NDFIP2: variants seen among roughly 807,000 people sequenced by gnomAD.
NDFIP2 encodes NEDD4 family-interacting protein 2.
Under a neutral mutation model 36.0 loss-of-function variants are expected in NDFIP2, and 19 were observed. The observed-to-expected ratio is 0.53, with a 90% CI of 0.37 to 0.77. The LOEUF is 0.77. NDFIP2 is among the 30% of genes least tolerant of loss of function. The pLI is 0.00. For missense variants in NDFIP2, 446 were observed against 435.8 expected, an observed-to-expected ratio of 1.02 and a Z score of -0.21; for synonymous variants, 181 against 167.7, an observed-to-expected ratio of 1.08 and a Z score of -0.61.
At chr13:79,486,609 T>C (rs1873002742) in intron 1 of NDFIP2, among the ~76,000 whole-genome samples, 1 of 152,242 alleles carries the variant, frequency 6.6e-6, no homozygotes, top group African/African-American at 2.4e-5. Flanking sequence ...CAGATACTCA[T>C]GTAACCCAAA....
chr13:79,549,433 T>G (rs913568838), intron 6 of NDFIP2, among the ~76,000 whole-genome samples: 9 of 151,916 alleles, frequency 5.9e-5, no homozygotes, highest in Non-Finnish European at 1.0e-4. Flanking sequence ...ATTTAGAGAT[T>G]GGAGGAATCT....
At chr13:79,529,307 A>G (rs1295688958) in intron 2 of NDFIP2, among the ~76,000 whole-genome samples, 2 of 152,170 alleles carry the variant, frequency 1.3e-5, no homozygotes. Flanking sequence ...GAGTTTTCCT[A>G]CCCAACTTTC....
chr13:79,531,777 ATCT>A (rs1358983567), intron 2 of NDFIP2, among the ~76,000 whole-genome samples: 2 of 152,198 alleles, frequency 1.3e-5, no homozygotes, highest in South Asian at 2.1e-4. Context: ...GGCTGGTTTG[ATCT>A]TCTAACTGGA....
At chr13:79,487,437 T>G (rs1873047619) in intron 1 of NDFIP2, among the ~76,000 whole-genome samples, 1 of 152,220 alleles carries the variant, frequency 6.6e-6, no homozygotes, top group Non-Finnish European at 1.5e-5. Context: ...ATTTGGGTTT[T>G]TAGTTTTCTT....
chr13:79,548,769 G>C (rs529605071), intron 6 of NDFIP2, among the ~76,000 whole-genome samples: 22 of 151,982 alleles, frequency 1.4e-4, no homozygotes, highest in African/African-American at 4.8e-4. Context: ...CTTATTTTTT[G>C]ATCATGGAAA....
chr13:79,491,209 A>G (rs979329113), intron 1 of NDFIP2, among the ~76,000 whole-genome samples: 2 of 152,162 alleles, frequency 1.3e-5, no homozygotes, highest in Non-Finnish European at 2.9e-5. Context: ...TACCTGCCAT[A>G]TGGTAGACTT....
At chr13:79,492,392 GAAATA>G (rs897378594) in intron 1 of NDFIP2, among the ~76,000 whole-genome samples, 1 of 151,578 alleles carries the variant, frequency 6.6e-6, no homozygotes, top group Non-Finnish European at 1.5e-5. Flanking sequence ...GAAGAGTCTT[GAAATA>G]ACACTTGAGA....
Position 79,520,807 on chromosome 13 carries a change from T to C in NDFIP2, c.322-3T>C. 7 of 1,597,882 alleles carry C rather than the reference T, an allele frequency of 4.4e-6. No individual in the cohort carries two copies. Among genetic ancestry groups the C allele is most frequent in the Non-Finnish European group, 5.1e-6 (6 of 1,171,360 alleles). Reference sequence around the variant, plus strand: ...ATGTTTTGTTTTTCTTTTGTTCTCTTAGCTTCTTAATGAAGAGGATAACTC... The same window carrying C: ...ATGTTTTGTTTTTCTTTTGTTCTCTCAGCTTCTTAATGAAGAGGATAACTC... On this transcript the variant is annotated splice_polypyrimidine_tract_variant and splice_region_variant and intron_variant, in intron 1 of 7. Coordinates refer to ENST00000218652, the MANE Select transcript of NDFIP2 (RefSeq NM_019080.3).
chr13:79,510,903 G>A (rs1220011934), intron 1 of NDFIP2, among the ~76,000 whole-genome samples: 2 of 150,914 alleles, frequency 1.3e-5, no homozygotes, highest in Admixed American at 6.7e-5. Context: ...GGAGGCTGAG[G>A]CAGGATAATA....
chr13:79,527,950 G>A (rs1219543315), intron 2 of NDFIP2, among the ~76,000 whole-genome samples: 1 of 152,096 alleles, frequency 6.6e-6, no homozygotes, highest in East Asian at 1.9e-4. Flanking sequence ...GCTAGTGTGC[G>A]TGTTTGTGTT....
In NDFIP2 at chr13:79,533,451, C is replaced by CA; in HGVS notation, c.619dup (p.Arg207LysfsTer12). On this transcript the variant is annotated frameshift_variant, in exon 3 of 8. Coordinates refer to ENST00000218652, the MANE Select transcript of NDFIP2 (RefSeq NM_019080.3). LOFTEE classifies it high-confidence loss of function. ...GGCAGCTGCAGCAGCAGAAACATCT[C>CA]AAAGAGTAAGAAAATTTCATCATTT... The CA allele has an allele frequency of 6.3e-7, 1 of 1,590,086 alleles. No individual in the cohort carries two copies. Among genetic ancestry groups the CA allele is most frequent in the Non-Finnish European group, 8.5e-7 (1 of 1,173,088 alleles).
chr13:79,489,761 C>T lies in NDFIP2; in HGVS notation c.321+8237C>T, dbSNP rs1031427219. On this transcript the variant is annotated intron_variant, in intron 1 of 7. Transcript: ENST00000218652. ...ATATAGGAGGAAAGCTGTATGGCTG[C>T]AGCAAAGTTAAGGGGATGGCCTAGA... Among the ~76,000 whole-genome samples, 11 of 152,284 alleles carry T rather than the reference C, an allele frequency of 7.2e-5. No homozygotes were observed. The South Asian group carries it at 1.0e-3, about 14-fold the overall frequency.
chr13:79,510,054 T>C (rs758583009), intron 1 of NDFIP2, among the ~76,000 whole-genome samples: 5 of 152,202 alleles, frequency 3.3e-5, no homozygotes, highest in Non-Finnish European at 7.3e-5. Flanking sequence ...TTCAACCAAG[T>C]TGACACTCAG....
intron 1 of NDFIP2, among the ~76,000 whole-genome samples, chr13:79,506,718 C>T (rs1418262869): frequency 1.3e-5 from 2 of 152,034 alleles, no homozygotes; most frequent in Non-Finnish European, 2.9e-5. Context: ...CCAGTAATAA[C>T]CTATGTTAAC....
At position 79,481,627 on chromosome 13, in the gene NDFIP2, T is replaced by G. The variant is rs531747447; in HGVS notation, c.321+103T>G. 3.2e-5 allele frequency: 43 copies of G among 1,351,640 alleles called. No homozygotes were observed. In the African/African-American group the frequency reaches 5.9e-4, roughly 19 times the overall value. 83.7% of individuals were successfully genotyped at this position (1,351,640 alleles called of 1,614,324 possible). ...CCCGGAGGAAAAGCTGTGGCTTTTT[T>G]TTGTTGTGTTTTGTTTTGTTTTTTT... On this transcript the variant is annotated intron_variant, in intron 1 of 7. Coordinates refer to ENST00000218652, the MANE Select transcript of NDFIP2 (RefSeq NM_019080.3).
At chr13:79,485,559 TC>T (rs1165589497) in intron 1 of NDFIP2, among the ~76,000 whole-genome samples, 2 of 152,216 alleles carry the variant, frequency 1.3e-5, no homozygotes, top group Non-Finnish European at 2.9e-5. Flanking sequence ...CCAGCCTTAT[TC>T]CTTTGATCGT....
chr13:79,506,816 A>G (rs1353551692), intron 1 of NDFIP2, among the ~76,000 whole-genome samples: 1 of 152,116 alleles, frequency 6.6e-6, no homozygotes, highest in East Asian at 1.9e-4. Flanking sequence ...TTAAAAAACA[A>G]AAATTTAAAT....
rs899197281 is a variant in NDFIP2, at chr13:79,552,640, C to T, written c.*127C>T. 6 of 151,844 alleles carry T rather than the reference C, an allele frequency of 4.0e-5. No individual in the cohort carries two copies. The highest frequency in any genetic ancestry group is 9.6e-5 in the African/African-American group (4 of 41,494). 9.4% of individuals were successfully genotyped at this position (151,844 alleles called of 1,614,324 possible). A position where few individuals can be genotyped will look rare whatever the true frequency, so the allele number is the denominator to read the frequency against. On this transcript the variant is annotated 3_prime_UTR_variant, in exon 8 of 8. Coordinates refer to ENST00000218652, the MANE Select transcript of NDFIP2 (RefSeq NM_019080.3). ...AATTAGTGAAGAAAAGACGGAGTTTCGAAATTGAATGGCAGGGTGGTTTTT... is the reference window on the plus strand; with the variant it reads ...AATTAGTGAAGAAAAGACGGAGTTTTGAAATTGAATGGCAGGGTGGTTTTT...
chr13:79,507,275 T>G lies in NDFIP2; in HGVS notation c.322-13535T>G, dbSNP rs1406876925. On this transcript the variant is annotated intron_variant, in intron 1 of 7. Transcript: ENST00000218652. ...TTTTTTGTTCTGATTGAGTTTTTTT[T>G]TTTTTTTTTTTTTTTTGAGACGGAG... 7.9e-3 allele frequency among the ~76,000 whole-genome samples: 378 copies of G among 47,604 alleles called. 9 individuals are homozygous for G. Among genetic ancestry groups the G allele is most frequent in the African/African-American group, 0.014 (60 of 4,316 alleles). The allele number at this position is 47,604 out of a possible 152,430, so 31.2% of individuals were successfully genotyped here.
Sources: allele counts gnomAD v4.1 joint callset (sites outside exome capture counted in the v4.1 genomes callset), GRCh38; gene constraint gnomAD v4.1.1; transcripts MANE v1.5; gene names NCBI Gene and HGNC (gene_info 2026-07-23, HGNC 2026-07-21).